IL1RAPL1: variants seen among roughly 807,000 people sequenced by gnomAD.
IL1RAPL1 encodes the protein interleukin 1 receptor accessory protein like 1.
Under a neutral mutation model 48.4 loss-of-function variants are expected in IL1RAPL1, and 3 were observed. The ratio of observed to expected loss-of-function variants is 0.06; its 90% CI spans 0.03 to 0.16. The LOEUF (loss-of-function observed/expected upper bound fraction) is 0.16. Ranked by LOEUF, IL1RAPL1 falls within the 10% of genes least tolerant of loss-of-function variation. The pLI is 1.00. For missense variants in IL1RAPL1, 349 were observed against 530.6 expected, an observed-to-expected ratio of 0.66 and a Z score of 3.36; for synonymous variants, 185 against 187.7, an observed-to-expected ratio of 0.99 and a Z score of 0.12.
intron 3 of IL1RAPL1, among the ~76,000 whole-genome samples, chrX:29,301,643 TCTA>T (rs1009686705): frequency 2.7e-5 from 3 of 111,903 alleles, no homozygotes; most frequent in Non-Finnish European, 5.6e-5. Flanking sequence ...TTATCGAACA[TCTA>T]CTACACATCA....
intron 6 of IL1RAPL1, among the ~76,000 whole-genome samples, chrX:29,751,931 C>T (rs1928472879): frequency 9.5e-6 from 1 of 105,004 alleles, no homozygotes; most frequent in Non-Finnish European, 1.9e-5. Flanking sequence ...GACCTTGTCT[C>T]TCAAAAAAAC....
At chrX:28,631,148 G>A (rs1336849609) in intron 1 of IL1RAPL1, among the ~76,000 whole-genome samples, 2 of 111,691 alleles carry the variant, frequency 1.8e-5, no homozygotes, top group Admixed American at 9.5e-5. Flanking sequence ...AGTGTACAGT[G>A]GGCTTGTCTG....
At chrX:28,608,780 A>C (rs1339672521) in intron 1 of IL1RAPL1, among the ~76,000 whole-genome samples, 1 of 112,187 alleles carries the variant, frequency 8.9e-6, no homozygotes, top group African/African-American at 3.2e-5. Flanking sequence ...TTAAAATAAC[A>C]TTTTACTTTC....
chrX:29,208,847 G>A (rs1930718303), intron 2 of IL1RAPL1, among the ~76,000 whole-genome samples: 1 of 110,678 alleles, frequency 9.0e-6, no homozygotes, highest in South Asian at 3.8e-4. Context: ...CTAAGATGGA[G>A]AGTAAAGTGT....
intron 2 of IL1RAPL1, among the ~76,000 whole-genome samples, chrX:29,050,155 T>G (rs965448021): frequency 6.3e-5 from 7 of 111,915 alleles, no homozygotes; most frequent in Non-Finnish European, 1.1e-4. Context: ...CAAGCAATCT[T>G]CCTGCCACAG....
At chrX:28,597,098 C>G (rs1237383252) in intron 1 of IL1RAPL1, among the ~76,000 whole-genome samples, 2 of 111,054 alleles carry the variant, frequency 1.8e-5, no homozygotes, top group African/African-American at 6.6e-5. Flanking sequence ...TAAGGAAGAT[C>G]CAATGTTCTT....
At chrX:28,615,199 G>GTTTT (rs778402885) in intron 1 of IL1RAPL1, among the ~76,000 whole-genome samples, 321 of 25,970 alleles carry the variant, frequency 0.012, 36 homozygotes, top group African/African-American at 0.024. Context: ...ACTGTTGTCT[G>GTTTT]TTTTTTTTTT....
At chrX:28,999,102 A>G (rs1460261680) in intron 2 of IL1RAPL1, among the ~76,000 whole-genome samples, 3 of 111,291 alleles carry the variant, frequency 2.7e-5, no homozygotes, top group Non-Finnish European at 5.7e-5. Flanking sequence ...CATGTTCATA[A>G]TTATGAGCTC....
intron 5 of IL1RAPL1, among the ~76,000 whole-genome samples, chrX:29,631,111 A>G (rs1924762743): frequency 8.9e-6 from 1 of 112,342 alleles, no homozygotes; most frequent in East Asian, 2.8e-4. Flanking sequence ...ATCTTTAACT[A>G]AACAGGCACT....
At chrX:29,382,785 A>G (rs1933728957) in intron 3 of IL1RAPL1, among the ~76,000 whole-genome samples, 1 of 111,742 alleles carries the variant, frequency 8.9e-6, no homozygotes, top group African/African-American at 3.3e-5. Flanking sequence ...AGGCAATACT[A>G]TGAGACAAGA....
chrX:29,413,419 A>T (rs1337297080), intron 5 of IL1RAPL1, among the ~76,000 whole-genome samples: 1 of 110,322 alleles, frequency 9.1e-6, no homozygotes, highest in Non-Finnish European at 1.9e-5. Context: ...TTTGTTACAT[A>T]TGTATACATG....
intron 5 of IL1RAPL1, among the ~76,000 whole-genome samples, chrX:29,536,327 A>G (rs1352878636): frequency 8.9e-6 from 1 of 111,963 alleles, no homozygotes; most frequent in Non-Finnish European, 1.9e-5. Flanking sequence ...TCTATTCATG[A>G]CATGTCTACT....
chrX:29,111,736 C>T (rs190963358), intron 2 of IL1RAPL1, among the ~76,000 whole-genome samples: 3 of 110,897 alleles, frequency 2.7e-5, no homozygotes, highest in African/African-American at 3.3e-5. Flanking sequence ...ACACTTTCCT[C>T]GATCCTTAAT....
chrX:29,608,181 T>A (rs1340102476), intron 5 of IL1RAPL1, among the ~76,000 whole-genome samples: 1 of 111,624 alleles, frequency 9.0e-6, no homozygotes, highest in Non-Finnish European at 1.9e-5. Flanking sequence ...TCATATGGCC[T>A]CTTTCTTTAA....
At chrX:28,878,735 GT>G (rs1922435405) in intron 2 of IL1RAPL1, among the ~76,000 whole-genome samples, 2 of 111,403 alleles carry the variant, frequency 1.8e-5, no homozygotes, top group Non-Finnish European at 1.9e-5. Flanking sequence ...AACCATCATT[GT>G]TTTTCAGGAT....
intron 6 of IL1RAPL1, among the ~76,000 whole-genome samples, chrX:29,705,065 TC>T (rs1927156752): frequency 8.9e-6 from 1 of 111,966 alleles, no homozygotes; most frequent in South Asian, 3.7e-4. Flanking sequence ...ATTAAATTCA[TC>T]GTTCAATATT....
intron 3 of IL1RAPL1, among the ~76,000 whole-genome samples, chrX:29,319,558 G>GTATCTATCTATCTATC (rs753188364): frequency 2.6e-4 from 21 of 82,021 alleles, no homozygotes; most frequent in South Asian, 1.1e-3. Flanking sequence ...ATGTATGTAT[G>GTATCTATCTATCTATC]TATCTATCTA....
intron 1 of IL1RAPL1, among the ~76,000 whole-genome samples, chrX:28,741,015 C>T (rs1048050475): frequency 1.5e-4 from 17 of 111,750 alleles, no homozygotes; most frequent in African/African-American, 4.2e-4. Flanking sequence ...GACTACATAC[C>T]GTCGTTTGAT....
intron 1 of IL1RAPL1, among the ~76,000 whole-genome samples, chrX:28,711,603 A>G (rs1437478993): frequency 9.1e-6 from 1 of 110,049 alleles, no homozygotes; most frequent in East Asian, 2.8e-4. Context: ...ACCCTCTAAC[A>G]CTATGGGGAC....
Sources: gnomAD v4.1 joint callset for allele counts (sites outside exome capture counted in the v4.1 genomes callset) on GRCh38, gnomAD v4.1.1 for gene constraint, MANE v1.5 for transcripts, NCBI Gene and HGNC (gene_info 2026-07-23, HGNC 2026-07-21) for gene names.